The following TBC1D5 variants were observed in gnomAD, a reference collection of about 807,000 sequenced individuals.
The protein encoded by TBC1D5 is TBC1 domain family, member 5.
A neutral mutation model predicts 100.3 loss-of-function variants in TBC1D5; 75 were observed. The observed-to-expected ratio is 0.75, with a 90% confidence interval of 0.62 to 0.91. TBC1D5 has a LOEUF of 0.91. TBC1D5 is among the 40% of genes least tolerant of loss of function. The probability of loss-of-function intolerance (pLI) is 0.00; values close to 1 mark genes in which losing one functional copy is unlikely to be tolerated. For missense variants in TBC1D5, 910 were observed against 942.4 expected (o/e 0.97, Z 0.45); for synonymous variants, 323 against 325.6 (o/e 0.99, Z 0.09).
At chr3:17,261,768 C>A (rs1002582283) in intron 15 of TBC1D5, among the ~76,000 whole-genome samples, 7 of 152,214 alleles carry the variant, frequency 4.6e-5, no homozygotes, top group African/African-American at 1.7e-4. Flanking sequence ...AGTGAACCAC[C>A]CACCTCAGCC....
chr3:17,693,530 A>C (rs1168963280), intron 1 of TBC1D5, among the ~76,000 whole-genome samples: 1 of 152,106 alleles, frequency 6.6e-6, no homozygotes, highest in Non-Finnish European at 1.5e-5. Flanking sequence ...TGGCTGGGGG[A>C]GGGGCGTCCC....
At chr3:17,736,022 G>A (rs1560587669) in intron 1 of TBC1D5, among the ~76,000 whole-genome samples, 3 of 152,150 alleles carry the variant, frequency 2.0e-5, no homozygotes, top group Non-Finnish European at 4.4e-5. Flanking sequence ...GGCAATATAC[G>A]ATTTGACTAT....
At chr3:17,712,645 T>C (rs1193386830) in intron 1 of TBC1D5, among the ~76,000 whole-genome samples, 1 of 152,152 alleles carries the variant, frequency 6.6e-6, no homozygotes. Context: ...CCCACTTACA[T>C]AGCTGCAAAG....
intron 15 of TBC1D5, among the ~76,000 whole-genome samples, chr3:17,273,491 C>A (rs1370080074): frequency 6.6e-6 from 1 of 152,152 alleles, no homozygotes; most frequent in Non-Finnish European, 1.5e-5. Flanking sequence ...TATCCCATAA[C>A]CTCCTCAGAA....
At chr3:17,559,594 AT>A (rs35500376) in intron 2 of TBC1D5, among the ~76,000 whole-genome samples, 43 of 147,466 alleles carry the variant, frequency 2.9e-4, no homozygotes, top group African/African-American at 3.5e-4. Flanking sequence ...CAAATCTAGA[AT>A]TTTTTTTTTT....
intron 1 of TBC1D5, chr3:17,706,231 G>A (rs2074145273): frequency 1.3e-6 from 2 of 1,549,180 alleles, no homozygotes; most frequent in Non-Finnish European, 1.7e-6. Flanking sequence ...TGGAGGCGGC[G>A]GCCACCACAT....
chr3:17,233,809 T>C (rs2075636332), intron 17 of TBC1D5, 59 bp from the exon 18 acceptor site: 1 of 1,094,720 alleles, frequency 9.1e-7, no homozygotes, highest in Admixed American at 2.2e-5. Context: ...CAACTTCACT[T>C]TTCTTTTATA....
chr3:17,364,453 A>C (rs1186730201), intron 13 of TBC1D5, among the ~76,000 whole-genome samples: 1 of 152,216 alleles, frequency 6.6e-6, no homozygotes, highest in African/African-American at 2.4e-5. Context: ...ATTCAAGGCT[A>C]TTGTATGTCT....
At chr3:17,176,864 A>C (rs2067806867) in intron 19 of TBC1D5, among the ~76,000 whole-genome samples, 1 of 152,220 alleles carries the variant, frequency 6.6e-6, no homozygotes, top group Non-Finnish European at 1.5e-5. Context: ...TCTCTTCCTT[A>C]CTGAATTAGA....
intron 8 of TBC1D5, among the ~76,000 whole-genome samples, chr3:17,402,086 C>T (rs2093663931): frequency 6.6e-6 from 1 of 152,090 alleles, no homozygotes; most frequent in South Asian, 2.1e-4. Flanking sequence ...ACCCTATTAC[C>T]ACTGCCAATT....
chr3:17,228,015 G>A (rs902944978), intron 17 of TBC1D5, among the ~76,000 whole-genome samples: 2 of 152,072 alleles, frequency 1.3e-5, no homozygotes, highest in African/African-American at 4.8e-5. Context: ...CTCATGTTAA[G>A]GGGTCTGGCC....
chr3:17,732,901 A>T (rs1011652244), intron 1 of TBC1D5, among the ~76,000 whole-genome samples: 4 of 152,122 alleles, frequency 2.6e-5, no homozygotes, highest in Admixed American at 1.3e-4. Flanking sequence ...GGAATACATG[A>T]TTGCCACTGA....
intron 3 of TBC1D5, among the ~76,000 whole-genome samples, chr3:17,483,417 T>G (rs772608137): frequency 6.6e-6 from 1 of 152,154 alleles, no homozygotes; most frequent in Admixed American, 6.6e-5. Context: ...GCCTTGGCAA[T>G]AGCAAATGGC....
chr3:17,398,688 A>C (rs140555136), intron 8 of TBC1D5, among the ~76,000 whole-genome samples: 199 of 152,210 alleles, frequency 1.3e-3, no homozygotes, highest in African/African-American at 4.6e-3. Flanking sequence ...CTGGGCTAAC[A>C]CAAGAGCTCT....
At chr3:17,418,693 C>A (rs1295204224) in intron 4 of TBC1D5, among the ~76,000 whole-genome samples, 2 of 152,054 alleles carry the variant, frequency 1.3e-5, no homozygotes, top group East Asian at 3.8e-4. Context: ...TAAAGTAACA[C>A]TGTCACCACA....
intron 1 of TBC1D5, among the ~76,000 whole-genome samples, chr3:17,714,473 T>C (rs974718567): frequency 6.6e-6 from 1 of 152,132 alleles, no homozygotes; most frequent in Admixed American, 6.5e-5. Context: ...TGGCTAACTA[T>C]TGAAGGAGTA....
At chr3:17,257,758 A>T (rs1416078183) in intron 16 of TBC1D5, among the ~76,000 whole-genome samples, 1 of 152,210 alleles carries the variant, frequency 6.6e-6, no homozygotes, top group Non-Finnish European at 1.5e-5. Context: ...CCATAAATGT[A>T]TATTTAGGCT....
intron 17 of TBC1D5, among the ~76,000 whole-genome samples, chr3:17,216,126 T>C (rs1015466633): frequency 6.6e-6 from 1 of 152,112 alleles, no homozygotes; most frequent in East Asian, 1.9e-4. Context: ...TCAGAAGAAG[T>C]GTGGCAGATT....
At chr3:17,237,302 T>C (rs1039051859) in intron 17 of TBC1D5, among the ~76,000 whole-genome samples, 30 of 152,316 alleles carry the variant, frequency 2.0e-4, no homozygotes, top group African/African-American at 6.5e-4. Context: ...AGAGTACAGT[T>C]AGCAGAGTCC....
Sources: allele counts gnomAD v4.1 joint callset (sites outside exome capture counted in the v4.1 genomes callset), GRCh38; gene constraint gnomAD v4.1.1; transcripts MANE v1.5; gene names NCBI Gene and HGNC (gene_info 2026-07-23, HGNC 2026-07-21).